Variants in ATRNL1 observed in about 807,000 individuals in gnomAD.
ATRNL1 encodes attractin-like protein 1.
A neutral mutation model predicts 182.7 loss-of-function variants in ATRNL1; 95 were observed. The ratio of observed to expected loss-of-function variants is 0.52; its 90% CI spans 0.44 to 0.62. ATRNL1 has a LOEUF of 0.62. ATRNL1 is among the 20% of genes least tolerant of loss of function. The pLI, the probability that ATRNL1 is intolerant of heterozygous loss-of-function variation, is 0.00. For missense variants in ATRNL1, 1,471 were observed against 1,679.5 expected (o/e 0.88, Z 2.17); for synonymous variants, 576 against 568.3 (o/e 1.01, Z -0.19).
intron 1 of ATRNL1, 74 bp downstream of exon 1, chr10:115,094,117 GGCCTCCCCCGCCCCCGTCGCT>G (rs2084949505): frequency 7.9e-7 from 1 of 1,272,092 alleles, no homozygotes. Flanking sequence ...CCCCCCTCGC[GGCCTCCCCCGCCCCCGTCGCT>G]GCCTCTGATC....
At chr10:115,504,504 A>C (rs1378261808) in intron 24 of ATRNL1, among the ~76,000 whole-genome samples, 1 of 152,076 alleles carries the variant, frequency 6.6e-6, no homozygotes, top group Non-Finnish European at 1.5e-5. Flanking sequence ...TTAATGTCTT[A>C]TTTACTAAAG....
intron 26 of ATRNL1, among the ~76,000 whole-genome samples, chr10:115,692,499 G>A (rs1052055527): frequency 2.0e-5 from 3 of 152,046 alleles, no homozygotes; most frequent in Middle Eastern, 3.4e-3. Context: ...AAGAGCCTAC[G>A]GGCCCTTAAA....
At chr10:115,365,125 A>G (rs1441125718) in intron 19 of ATRNL1, among the ~76,000 whole-genome samples, 3 of 151,700 alleles carry the variant, frequency 2.0e-5, no homozygotes, top group African/African-American at 7.3e-5. Flanking sequence ...CTCTGGTAGA[A>G]TTCGGCTGTG....
chr10:115,200,708 A>G (rs1273589777), intron 8 of ATRNL1, among the ~76,000 whole-genome samples: 1 of 141,562 alleles, frequency 7.1e-6, no homozygotes, highest in East Asian at 2.0e-4. Context: ...GTGTCTTTAT[A>G]GCAGCATGAT....
chr10:115,604,989 A>C (rs1856802641), intron 26 of ATRNL1, among the ~76,000 whole-genome samples: 1 of 152,182 alleles, frequency 6.6e-6, no homozygotes, highest in African/African-American at 2.4e-5. Flanking sequence ...GGTCCTAAAT[A>C]ATAGAGGATT....
At chr10:115,156,656 G>A (rs374724855) in intron 5 of ATRNL1, among the ~76,000 whole-genome samples, 7 of 151,942 alleles carry the variant, frequency 4.6e-5, no homozygotes, top group Non-Finnish European at 8.8e-5. Flanking sequence ...CATAACCTGC[G>A]GAGAAGATTC....
At chr10:115,160,906 C>T (rs1480368152) in intron 6 of ATRNL1, among the ~76,000 whole-genome samples, 3 of 151,834 alleles carry the variant, frequency 2.0e-5, no homozygotes, top group African/African-American at 7.2e-5. Flanking sequence ...TCAGAACTTG[C>T]CCTGGACAGT....
chr10:115,240,634 A>G (rs1850379805), intron 9 of ATRNL1, among the ~76,000 whole-genome samples: 1 of 152,046 alleles, frequency 6.6e-6, no homozygotes, highest in African/African-American at 2.4e-5. Flanking sequence ...TACTAACTAT[A>G]CTTTACGTAT....
chr10:115,823,464 A>C (rs1950351856), intron 27 of ATRNL1, among the ~76,000 whole-genome samples: 1 of 152,218 alleles, frequency 6.6e-6, no homozygotes, highest in South Asian at 2.1e-4. Flanking sequence ...AGGGTATTCA[A>C]TTCGGAAGAG....
intron 26 of ATRNL1, among the ~76,000 whole-genome samples, chr10:115,699,802 A>G (rs1205062463): frequency 6.6e-6 from 1 of 152,164 alleles, no homozygotes; most frequent in Non-Finnish European, 1.5e-5. Flanking sequence ...AGTAGTGAGC[A>G]TAGTACCCCA....
intron 5 of ATRNL1, among the ~76,000 whole-genome samples, chr10:115,150,885 C>A (rs1458426032): frequency 1.3e-5 from 2 of 152,156 alleles, no homozygotes; most frequent in Non-Finnish European, 2.9e-5. Flanking sequence ...CCCCCCACCC[C>A]ACGACAGGCC....
chr10:115,679,686 T>G (rs1945985985), intron 26 of ATRNL1, among the ~76,000 whole-genome samples: 1 of 152,112 alleles, frequency 6.6e-6, no homozygotes, highest in Admixed American at 6.6e-5. Flanking sequence ...GCATGAAGGC[T>G]ATACCTTTAA....
chr10:115,319,544 C>A (rs950170791), intron 18 of ATRNL1, among the ~76,000 whole-genome samples: 2 of 152,128 alleles, frequency 1.3e-5, no homozygotes, highest in African/African-American at 2.4e-5. Context: ...TCTCTACAAA[C>A]TTGTTTTATG....
chr10:115,335,339 T>C (rs1414810526), intron 19 of ATRNL1, among the ~76,000 whole-genome samples: 1 of 152,120 alleles, frequency 6.6e-6, no homozygotes, highest in African/African-American at 2.4e-5. Flanking sequence ...GAGTGGAGCC[T>C]GACTCTGGTT....
intron 20 of ATRNL1, among the ~76,000 whole-genome samples, chr10:115,403,629 A>G (rs1039024932): frequency 3.3e-5 from 5 of 151,954 alleles, no homozygotes; most frequent in Admixed American, 2.0e-4. Flanking sequence ...TAATTTTTGT[A>G]TTTTTATGAG....
At chr10:115,133,319 G>A (rs1439426956) in intron 5 of ATRNL1, among the ~76,000 whole-genome samples, 3 of 152,226 alleles carry the variant, frequency 2.0e-5, no homozygotes, top group African/African-American at 7.2e-5. Context: ...GTACCATGCT[G>A]TTTTGGTTAC....
intron 10 of ATRNL1, among the ~76,000 whole-genome samples, chr10:115,252,610 A>G (rs2133846660): frequency 6.6e-6 from 1 of 152,312 alleles, no homozygotes; most frequent in Non-Finnish European, 1.5e-5. Flanking sequence ...ATTTGGGAAG[A>G]CTTTAAGGAG....
intron 25 of ATRNL1, among the ~76,000 whole-genome samples, chr10:115,538,377 A>G (rs546669457): frequency 6.6e-6 from 1 of 152,294 alleles, no homozygotes; most frequent in African/African-American, 2.4e-5. Flanking sequence ...AACATTTTTT[A>G]TTTTAGCCAT....
chr10:115,763,045 TTATC>T (rs1380443002), intron 27 of ATRNL1, among the ~76,000 whole-genome samples: 4 of 152,120 alleles, frequency 2.6e-5, no homozygotes, highest in African/African-American at 9.7e-5. Context: ...TTTAAATAAT[TTATC>T]TAAGTTGTAA....
Sources: gnomAD v4.1 joint callset for allele counts (sites outside exome capture counted in the v4.1 genomes callset) on GRCh38, gnomAD v4.1.1 for gene constraint, MANE v1.5 for transcripts, NCBI Gene and HGNC (gene_info 2026-07-23, HGNC 2026-07-21) for gene names.